The following C12orf42 variants were observed in gnomAD, a reference collection of about 807,000 sequenced individuals.
The protein encoded by C12orf42 is uncharacterized protein C12orf42.
In C12orf42, 25 loss-of-function variants were observed where a neutral mutation model predicts 21.6. The ratio of observed to expected loss-of-function variants is 1.16; its 90% CI spans 0.84 to 1.62. The LOEUF (loss-of-function observed/expected upper bound fraction) is 1.62, where lower values mean the gene tolerates loss of function less well. C12orf42 is among the 40% of genes most tolerant of loss of function. The pLI is 0.00. For missense variants in C12orf42, 483 were observed against 459.3 expected (o/e 1.05, Z -0.47); for synonymous variants, 174 against 175.0 (o/e 0.99, Z 0.05).
chr12:103,536,798 C>T, the C12orf42 span, among the ~76,000 whole-genome samples: 25 of 152,326 alleles, frequency 1.6e-4, no homozygotes, highest in African/African-American at 5.3e-4. Context: ...ACCTTTTAAA[C>T]TTCCATCCCA....
the C12orf42 span, among the ~76,000 whole-genome samples, chr12:103,052,061 A>G: frequency 2.6e-5 from 4 of 152,290 alleles, no homozygotes; most frequent in African/African-American, 9.6e-5. Context: ...TTTGCTGTCT[A>G]ATATTGTTCA....
At chr12:103,522,396 G>A in the C12orf42 span, among the ~76,000 whole-genome samples, 1 of 152,066 alleles carries the variant, frequency 6.6e-6, no homozygotes, top group East Asian at 1.9e-4. Context: ...CATGTGAATG[G>A]ACTAATACAG....
chr12:103,228,289 G>A, the C12orf42 span, among the ~76,000 whole-genome samples: 3 of 152,082 alleles, frequency 2.0e-5, no homozygotes, highest in Non-Finnish European at 4.4e-5. Flanking sequence ...TTTGTTCTCT[G>A]GCGGGCAGGA....
chr12:103,317,033 C>T (rs1410527759), intron 4 of C12orf42, among the ~76,000 whole-genome samples: 1 of 152,142 alleles, frequency 6.6e-6, no homozygotes, highest in East Asian at 1.9e-4. Flanking sequence ...AGTGGCTTGC[C>T]CCCATCAAAG....
the C12orf42 span, among the ~76,000 whole-genome samples, chr12:103,150,935 G>C: frequency 6.6e-6 from 1 of 152,022 alleles, no homozygotes; most frequent in African/African-American, 2.4e-5. Flanking sequence ...TAAAACATCG[G>C]AAGGGAGTGT....
At chr12:103,502,430 G>A in the C12orf42 span, among the ~76,000 whole-genome samples, 1 of 152,140 alleles carries the variant, frequency 6.6e-6, no homozygotes, top group South Asian at 2.1e-4. Context: ...GGAATGGTGT[G>A]GTTTGGACAC....
chr12:103,505,316 A>T, the C12orf42 span: 18 of 262,822 alleles, frequency 6.8e-5, no homozygotes, highest in South Asian at 6.5e-4. Flanking sequence ...CGACCCTTCC[A>T]TCCGGGGTTA....
the C12orf42 span, among the ~76,000 whole-genome samples, chr12:103,223,642 G>C: frequency 6.6e-6 from 1 of 152,212 alleles, no homozygotes; most frequent in African/African-American, 2.4e-5. Flanking sequence ...TTTATGAGTA[G>C]TTGAGAATGG....
intron 4 of C12orf42, among the ~76,000 whole-genome samples, chr12:103,287,234 G>A (rs1430632688): frequency 1.3e-5 from 2 of 152,148 alleles, no homozygotes; most frequent in African/African-American, 2.4e-5. Flanking sequence ...AAATCATGCT[G>A]CTATAAAGAC....
intron 2 of C12orf42, among the ~76,000 whole-genome samples, chr12:103,445,732 C>A (rs951092603): frequency 6.6e-6 from 1 of 151,976 alleles, no homozygotes; most frequent in Non-Finnish European, 1.5e-5. Context: ...GATGCTTAAA[C>A]GAATGGAATC....
intron 4 of C12orf42, among the ~76,000 whole-genome samples, chr12:103,346,252 A>C (rs2042613183): frequency 6.6e-6 from 1 of 152,224 alleles, no homozygotes; most frequent in Admixed American, 6.5e-5. Flanking sequence ...TAAATAAATA[A>C]TGTTATTACT....
intron 3 of C12orf42, among the ~76,000 whole-genome samples, chr12:103,395,267 A>C (rs181984514): frequency 9.7e-4 from 148 of 152,344 alleles, no homozygotes; most frequent in African/African-American, 3.4e-3. Flanking sequence ...ATACATTTTC[A>C]AGAAGTTGGC....
chr12:103,125,443 A>G, the C12orf42 span, among the ~76,000 whole-genome samples: 1 of 152,218 alleles, frequency 6.6e-6, no homozygotes, highest in Non-Finnish European at 1.5e-5. Context: ...TGGTTGCAAG[A>G]ACAATTGAAG....
At chr12:103,556,930 T>C in the C12orf42 span, among the ~76,000 whole-genome samples, 3 of 143,168 alleles carry the variant, frequency 2.1e-5, no homozygotes, top group Admixed American at 1.4e-4. Context: ...ATTGTAGTTA[T>C]GCAGAAAAAA....
chr12:103,536,113 ATAGT>A, the C12orf42 span, among the ~76,000 whole-genome samples: 1 of 152,194 alleles, frequency 6.6e-6, no homozygotes, highest in Non-Finnish European at 1.5e-5. Flanking sequence ...GAATTGATTG[ATAGT>A]TGGTAGGTTG....
At chr12:103,435,724 A>G (rs1486934779) in intron 2 of C12orf42, among the ~76,000 whole-genome samples, 7 of 151,864 alleles carry the variant, frequency 4.6e-5, no homozygotes, top group Non-Finnish European at 8.8e-5. Flanking sequence ...AGAAATGAGC[A>G]AAGCCTCCAA....
rs558093693 is a variant in C12orf42 at position 103,239,267 on chromosome 12, C to T, written c.*1367-1365G>A. ...TTATAATCATTGTCAGCATCATCAT[C>T]TTTGTTGTCATCATCATGATCACCA... On this transcript the variant is annotated intron_variant and NMD_transcript_variant, in intron 10 of 10. Coordinates refer to the C12orf42 transcript ENST00000547347. 8.1e-4 allele frequency among the ~76,000 whole-genome samples: 124 copies of T among 152,272 alleles called. 1 individual carries two copies. The highest frequency in any genetic ancestry group is 2.7e-3 in the African/African-American group (113 of 41,560).
At chr12:103,113,860 G>T in the C12orf42 span, among the ~76,000 whole-genome samples, 2 of 151,978 alleles carry the variant, frequency 1.3e-5, no homozygotes, top group Non-Finnish European at 2.9e-5. Flanking sequence ...TAGGATTCAG[G>T]GCATAGAAAT....
chr12:103,432,574 T>C (rs1349838049), intron 2 of C12orf42, among the ~76,000 whole-genome samples: 2 of 152,248 alleles, frequency 1.3e-5, no homozygotes, highest in Non-Finnish European at 2.9e-5. Context: ...AGAGATAGTA[T>C]GTAATGCTCT....
Sources: allele counts gnomAD v4.1 joint callset (sites outside exome capture counted in the v4.1 genomes callset), GRCh38; gene constraint gnomAD v4.1.1; transcripts MANE v1.5; gene names NCBI Gene and HGNC (gene_info 2026-07-23, HGNC 2026-07-21).